Variants in LDLRAD4 observed in about 807,000 individuals in gnomAD.
LDLRAD4 encodes low-density lipoprotein receptor class A domain-containing protein 4.
In LDLRAD4, 5 loss-of-function variants were observed where a neutral mutation model predicts 17.0. The ratio of observed to expected loss-of-function variants is 0.29; its 90% CI spans 0.15 to 0.62. The LOEUF is 0.62. Among genes scored for constraint, LDLRAD4 ranks in the 20% least tolerant of loss-of-function variants. The pLI is 0.84. For missense variants in LDLRAD4, 340 were observed against 424.7 expected (o/e 0.80, Z 1.75); for synonymous variants, 168 against 171.8 (o/e 0.98, Z 0.17).
chr18:13,514,511 G>T (rs1174715903), intron 3 of LDLRAD4: 1 of 152,196 alleles, frequency 6.6e-6, no homozygotes, highest in Non-Finnish European at 1.5e-5. Context: ...GGTGAGCCAG[G>T]ATTCTAGGGC....
At chr18:13,408,657 G>T (rs1278714492) in intron 2 of LDLRAD4, among the ~76,000 whole-genome samples, 5 of 151,908 alleles carry the variant, frequency 3.3e-5, no homozygotes, top group Non-Finnish European at 5.9e-5. Context: ...TATTTTAGTA[G>T]AGATGGGGTT....
chr18:13,454,622 C>T (rs531184921), intron 3 of LDLRAD4, among the ~76,000 whole-genome samples: 54 of 152,334 alleles, frequency 3.5e-4, no homozygotes, highest in African/African-American at 1.3e-3. Context: ...GCTTTGTCCA[C>T]GCTGAAGGAT....
intron 2 of LDLRAD4, among the ~76,000 whole-genome samples, chr18:13,406,562 T>C (rs925959799): frequency 1.3e-5 from 2 of 152,174 alleles, no homozygotes; most frequent in Non-Finnish European, 2.9e-5. Flanking sequence ...GGGAAGAGGC[T>C]TCCCCTTTGT....
chr18:13,416,493 C>G (rs2088904191), intron 2 of LDLRAD4, among the ~76,000 whole-genome samples: 1 of 152,172 alleles, frequency 6.6e-6, no homozygotes, highest in Admixed American at 6.5e-5. Flanking sequence ...GATCACGTCT[C>G]TGCTATAGAG....
At chr18:13,604,503 G>T (rs1177681394) in intron 3 of LDLRAD4, among the ~76,000 whole-genome samples, 1 of 152,142 alleles carries the variant, frequency 6.6e-6, no homozygotes, top group Non-Finnish European at 1.5e-5. Flanking sequence ...CTCTCAAGGG[G>T]CAGTTACAAT....
intron 3 of LDLRAD4, among the ~76,000 whole-genome samples, chr18:13,475,638 C>T (rs1204646236): frequency 6.6e-6 from 1 of 152,078 alleles, no homozygotes; most frequent in East Asian, 1.9e-4. Flanking sequence ...CACACGGACT[C>T]CCATTACCCT....
At chr18:13,572,648 T>C (rs770060391) in intron 3 of LDLRAD4, among the ~76,000 whole-genome samples, 5 of 152,182 alleles carry the variant, frequency 3.3e-5, no homozygotes, top group African/African-American at 9.7e-5. Context: ...GTCTTACAAT[T>C]CCCATCATGC....
At chr18:13,642,555 G>T (rs1568446102) in intron 4 of LDLRAD4, 2 of 1,228,314 alleles carry the variant, frequency 1.6e-6, no homozygotes, top group Non-Finnish European at 2.0e-6. Context: ...GACTGGAGAA[G>T]ACACTCGCTG....
At chr18:13,503,972 A>C (rs1378070522) in intron 3 of LDLRAD4, among the ~76,000 whole-genome samples, 5 of 152,192 alleles carry the variant, frequency 3.3e-5, no homozygotes, top group Non-Finnish European at 4.4e-5. Context: ...TACATAATAC[A>C]TGCCAGGCGC....
At chr18:13,314,985 A>G (rs1044743192) in intron 1 of LDLRAD4, among the ~76,000 whole-genome samples, 6 of 152,152 alleles carry the variant, frequency 3.9e-5, no homozygotes, top group African/African-American at 1.4e-4. Flanking sequence ...GAATGCTGGG[A>G]TAACAGATGA....
At chr18:13,477,781 C>T (rs1355211260) in intron 3 of LDLRAD4, among the ~76,000 whole-genome samples, 3 of 152,164 alleles carry the variant, frequency 2.0e-5, no homozygotes, top group Admixed American at 6.5e-5. Flanking sequence ...AAAGGGGGTG[C>T]AGAAGAGGCG....
intron 3 of LDLRAD4, among the ~76,000 whole-genome samples, chr18:13,524,589 A>G (rs903910945): frequency 5.3e-5 from 8 of 152,190 alleles, no homozygotes; most frequent in Admixed American, 2.0e-4. Flanking sequence ...GTAACAAACC[A>G]CTTCCAAGCT....
chr18:13,568,361 A>G (rs1204393607), intron 3 of LDLRAD4, among the ~76,000 whole-genome samples: 1 of 151,520 alleles, frequency 6.6e-6, no homozygotes, highest in Non-Finnish European at 1.5e-5. Context: ...GGGCCCCACT[A>G]AGTCCTCGAG....
chr18:13,234,414 T>A (rs2042234294), intron 1 of LDLRAD4, among the ~76,000 whole-genome samples: 1 of 146,964 alleles, frequency 6.8e-6, no homozygotes, highest in Non-Finnish European at 1.5e-5. Flanking sequence ...GGGCAGACAA[T>A]CGTCTTCTTG....
At chr18:13,507,131 C>T (rs554422828) in intron 3 of LDLRAD4, among the ~76,000 whole-genome samples, 3 of 152,180 alleles carry the variant, frequency 2.0e-5, no homozygotes, top group African/African-American at 7.2e-5. Flanking sequence ...TGATCTGTGA[C>T]AGTGATCTTT....
At chr18:13,580,849 T>A (rs1367361326) in intron 3 of LDLRAD4, among the ~76,000 whole-genome samples, 1 of 152,230 alleles carries the variant, frequency 6.6e-6, no homozygotes, top group Non-Finnish European at 1.5e-5. Context: ...AAAAGCAGCA[T>A]CGCTTAACTA....
chr18:13,322,628 AT>A (rs1200170547), intron 1 of LDLRAD4, among the ~76,000 whole-genome samples: 1 of 121,654 alleles, frequency 8.2e-6, no homozygotes, highest in East Asian at 2.5e-4. Flanking sequence ...TCTTTTTCTT[AT>A]TTTTTTGAGA....
chr18:13,586,273 TG>T (rs560674007), intron 3 of LDLRAD4, among the ~76,000 whole-genome samples: 1,905 of 151,366 alleles, frequency 0.013, 45 homozygotes, highest in African/African-American at 0.043. Context: ...CCGGGCGTGG[TG>T]GCAGGCGTCT....
chr18:13,234,614 A>G (rs2145570974), intron 1 of LDLRAD4, among the ~76,000 whole-genome samples: 2 of 152,304 alleles, frequency 1.3e-5, no homozygotes, highest in South Asian at 2.1e-4. Flanking sequence ...GTGTGAGGCC[A>G]TCTCACCTGA....
Sources: gnomAD v4.1 joint callset for allele counts (sites outside exome capture counted in the v4.1 genomes callset) on GRCh38, gnomAD v4.1.1 for gene constraint, MANE v1.5 for transcripts, NCBI Gene and HGNC (gene_info 2026-07-23, HGNC 2026-07-21) for gene names.